Variants in MCFD2 observed in about 807,000 individuals in gnomAD.
MCFD2 encodes multiple coagulation factor deficiency protein 2.
A neutral mutation model predicts 12.8 loss-of-function variants in MCFD2; 11 were observed. That is an observed-to-expected ratio of 0.86 (90% CI 0.54 to 1.42). The LOEUF is 1.42. MCFD2 is among the 40% of genes most tolerant of loss of function. The pLI, the probability that MCFD2 is intolerant of heterozygous loss-of-function variation, is 0.00. For missense variants in MCFD2, 191 were observed against 178.6 expected, an observed-to-expected ratio of 1.07 and a Z score of -0.40; for synonymous variants, 70 against 68.1, an observed-to-expected ratio of 1.03 and a Z score of -0.14.
chr2:46,930,759 C>T (rs1669657636), intron 1 of MCFD2, among the ~76,000 whole-genome samples: 1 of 152,116 alleles, frequency 6.6e-6, no homozygotes, highest in Admixed American at 6.5e-5. Context: ...CTCAGCCTCC[C>T]AAAGTGCAGG....
intron 1 of MCFD2, among the ~76,000 whole-genome samples, chr2:46,933,001 A>G (rs1461688789): frequency 3.9e-5 from 6 of 152,046 alleles, no homozygotes; most frequent in African/African-American, 1.4e-4. Context: ...CTTAGGAGTG[A>G]TGGGACTTAA....
intron 1 of MCFD2, among the ~76,000 whole-genome samples, chr2:46,928,390 T>A (rs1252282319): frequency 1.3e-5 from 2 of 150,736 alleles, no homozygotes; most frequent in South Asian, 4.2e-4. Context: ...AATCAGGGTG[T>A]TAACTGAGGC....
rs561381759 is a variant in MCFD2, at chr2:46,904,685, T to C, written c.*778A>G. ...TGTACCCCTGTTGGTATCTAGGAAG[T>C]AACTAGCTTGCTTTTGATTTTACAG... On this transcript the variant is annotated 3_prime_UTR_variant, in exon 4 of 4. Coordinates refer to ENST00000319466, the MANE Select transcript of MCFD2 (RefSeq NM_139279.6). The C allele has an allele frequency of 6.6e-6, 1 of 152,588 alleles. No individual in the cohort carries two copies. Among genetic ancestry groups the C allele is most frequent in the South Asian group, 2.1e-4 (1 of 4,846 alleles). The allele number at this position is 152,588 out of a possible 1,614,324, so 9.5% of individuals were successfully genotyped here.
intron 1 of MCFD2, among the ~76,000 whole-genome samples, chr2:46,930,122 G>C (rs911908587): frequency 5.3e-5 from 8 of 152,102 alleles, no homozygotes; most frequent in South Asian, 2.1e-4. Context: ...TTTAAGTACA[G>C]AAGAAACTTG....
intron 1 of MCFD2, among the ~76,000 whole-genome samples, chr2:46,921,843 T>C (rs1181900685): frequency 1.3e-5 from 2 of 152,144 alleles, no homozygotes; most frequent in African/African-American, 2.4e-5. Context: ...CGCGTTCCTG[T>C]GAGAATCTCA....
intron 3 of MCFD2, chr2:46,905,969 G>C (rs1406969743): frequency 2.1e-6 from 1 of 474,608 alleles, no homozygotes; most frequent in Non-Finnish European, 4.4e-6. Context: ...GGTCAGCTCT[G>C]TGCACAAATT....
chr2:46,926,221 G>A (rs1220337623), intron 1 of MCFD2, among the ~76,000 whole-genome samples: 1 of 152,202 alleles, frequency 6.6e-6, no homozygotes, highest in East Asian at 1.9e-4. Context: ...CCTCAGAGTG[G>A]AGCAGTGCTA....
rs928650891 is a variant in MCFD2, at chr2:46,937,889, T to C, written c.-8+3683A>G. Among the ~76,000 whole-genome samples the C allele has an allele frequency of 1.7e-4, 26 of 152,180 alleles. No homozygotes were observed. Among genetic ancestry groups the C allele is most frequent in the African/African-American group, 6.0e-4 (25 of 41,420 alleles). On this transcript the variant is annotated intron_variant, in intron 1 of 2. Transcript: ENST00000409147. This position sits in a 1 kb window ranked among gnomAD's most constrained non-coding sequence, Gnocchi z 4.0. ...TTAGTTCTTTGTCAAGAGAGAAGTC[T>C]GTTCAGCAGGTCATGGACTGAAGAA... is the stretch of plus-strand genomic sequence containing the variant.
intron 1 of MCFD2, among the ~76,000 whole-genome samples, chr2:46,922,370 G>A (rs780050647): frequency 6.6e-6 from 1 of 152,130 alleles, no homozygotes; most frequent in African/African-American, 2.4e-5. Context: ...TGTGGCCTGG[G>A]CTGAGGCTAT....
At chr2:46,911,069 G>T (rs890339977) in intron 1 of MCFD2, among the ~76,000 whole-genome samples, 86 of 152,142 alleles carry the variant, frequency 5.7e-4, no homozygotes, top group Admixed American at 5.6e-3. Flanking sequence ...AAAGCACCTA[G>T]AATCTAGTCT....
rs1242291488 is a variant in MCFD2, at chr2:46,907,216, A to C, written c.309+594T>G. On this transcript the variant is annotated intron_variant, in intron 3 of 3. Transcript: ENST00000319466. The surrounding 1 kb of genome is among the most constrained non-coding windows in gnomAD (Gnocchi z 4.1). Reference sequence around the variant, plus strand: ...TTTGAATACGGTCTGTCTTTTAGGCACTGATTCTCATACTCTGGTGTGTAA... The same window carrying C: ...TTTGAATACGGTCTGTCTTTTAGGCCCTGATTCTCATACTCTGGTGTGTAA... 6.1e-6 allele frequency: 1 copy of C among 164,038 alleles called. No homozygotes were observed. Among genetic ancestry groups the C allele is most frequent in the Non-Finnish European group, 1.3e-5 (1 of 75,000 alleles). 10.2% of individuals were successfully genotyped at this position (164,038 alleles called of 1,614,324 possible). A position where few individuals can be genotyped will look rare whatever the true frequency, so the allele number is the denominator to read the frequency against.
At position 46,905,129 on chromosome 2, in the gene MCFD2, C is replaced by A. The variant is rs943580269; in HGVS notation, c.*334G>T. ...CTCCCGCCATGATTCTGAGGCCTCCCCAGCCATGTGGAACTGTAAGTCCAA... is the reference window on the plus strand; with the variant it reads ...CTCCCGCCATGATTCTGAGGCCTCCACAGCCATGTGGAACTGTAAGTCCAA... On this transcript the variant is annotated 3_prime_UTR_variant, in exon 4 of 4. Transcript: ENST00000319466. The A allele has an allele frequency of 1.1e-5, 4 of 358,826 alleles. No homozygotes were observed. The highest frequency in any genetic ancestry group is 2.1e-5 in the African/African-American group (1 of 47,058). 22.2% of individuals were successfully genotyped at this position (358,826 alleles called of 1,614,324 possible).
intron 1 of MCFD2, among the ~76,000 whole-genome samples, chr2:46,936,923 C>T (rs1458670511): frequency 6.6e-6 from 1 of 150,838 alleles, no homozygotes; most frequent in East Asian, 1.9e-4. Context: ...GGCACGATCT[C>T]AGCTCACTGC....
At chr2:46,911,151 CAG>C (rs1259527557) in intron 1 of MCFD2, among the ~76,000 whole-genome samples, 6 of 152,162 alleles carry the variant, frequency 3.9e-5, no homozygotes, top group South Asian at 2.1e-4. Flanking sequence ...TTTTTTGAGA[CAG>C]AGTCTTGTTC....
chr2:46,936,830 G>A (rs531416688), intron 1 of MCFD2, among the ~76,000 whole-genome samples: 2 of 151,658 alleles, frequency 1.3e-5, no homozygotes, highest in East Asian at 1.9e-4. Flanking sequence ...ATTAGCATGA[G>A]CAAGCATACA....
chr2:46,924,490 T>C (rs1669282508), intron 1 of MCFD2, among the ~76,000 whole-genome samples: 2 of 152,122 alleles, frequency 1.3e-5, no homozygotes, highest in South Asian at 4.1e-4. Context: ...TATAATAATA[T>C]TCTAAAGAAA....
chr2:46,920,412 C>G (rs1007919807), upstream of MCFD2, among the ~76,000 whole-genome samples: 2 of 152,118 alleles, frequency 1.3e-5, no homozygotes, highest in Middle Eastern at 3.2e-3. Context: ...TCACTGCAAT[C>G]TTTGCCTCCT....
At chr2:46,938,319 A>G (rs1419613623) in intron 1 of MCFD2, among the ~76,000 whole-genome samples, 1 of 152,212 alleles carries the variant, frequency 6.6e-6, no homozygotes, top group Admixed American at 6.5e-5. Flanking sequence ...TCAATCTTAA[A>G]CTTGATCACT....
At chr2:46,930,889 C>T (rs1669666006) in intron 1 of MCFD2, among the ~76,000 whole-genome samples, 1 of 152,132 alleles carries the variant, frequency 6.6e-6, no homozygotes, top group African/African-American at 2.4e-5. Flanking sequence ...TTTATATGAA[C>T]TCTTTGGAGA....
Sources: allele counts gnomAD v4.1 joint callset (sites outside exome capture counted in the v4.1 genomes callset), GRCh38; gene constraint gnomAD v4.1.1; non-coding constraint Gnocchi (gnomAD v3.1); transcripts MANE v1.5; gene names NCBI Gene and HGNC (gene_info 2026-07-23, HGNC 2026-07-21).